Variants in SDCCAG8 observed in about 807,000 individuals in gnomAD.
SDCCAG8 encodes serologically defined colon cancer antigen 8.
A neutral mutation model predicts 101.8 loss-of-function variants in SDCCAG8; 74 were observed. The observed-to-expected ratio is 0.73, with a 90% confidence interval of 0.60 to 0.88. The LOEUF is 0.88. SDCCAG8 is among the 40% of genes least tolerant of loss of function. SDCCAG8 has a pLI of 0.00. For synonymous variants in SDCCAG8, 281 were observed against 292.9 expected (o/e 0.96, Z 0.41); for missense variants, 787 against 822.6 (o/e 0.96, Z 0.53).
chr1:243,277,836 G>C (rs1049354505), intron 4 of SDCCAG8, among the ~76,000 whole-genome samples: 1 of 152,036 alleles, frequency 6.6e-6, no homozygotes, highest in African/African-American at 2.4e-5. Context: ...CTATTTCTGG[G>C]CTTTCCTGTT....
intron 13 of SDCCAG8, among the ~76,000 whole-genome samples, chr1:243,390,859 A>C (rs2078656486): frequency 6.6e-6 from 1 of 152,252 alleles, no homozygotes; most frequent in African/African-American, 2.4e-5. Flanking sequence ...TCTCTAAAAG[A>C]AAGTTCTGCT....
At chr1:243,454,089 T>C (rs2083560216) in intron 16 of SDCCAG8, among the ~76,000 whole-genome samples, 1 of 152,186 alleles carries the variant, frequency 6.6e-6, no homozygotes, top group South Asian at 2.1e-4. Context: ...TGCCTGATGC[T>C]TTTTTAAATC....
At chr1:243,337,742 A>G (rs1211000741) in intron 10 of SDCCAG8, among the ~76,000 whole-genome samples, 1 of 152,200 alleles carries the variant, frequency 6.6e-6, no homozygotes, top group Admixed American at 6.5e-5. Flanking sequence ...AGAGAAAGAG[A>G]GACGGAGCCT....
intron 12 of SDCCAG8, among the ~76,000 whole-genome samples, chr1:243,344,931 T>C (rs182783871): frequency 6.6e-6 from 1 of 152,318 alleles, no homozygotes; most frequent in Non-Finnish European, 1.5e-5. Context: ...CAATTTTAGT[T>C]GACAACATGG....
chr1:243,367,055 T>G (rs1199034192), intron 12 of SDCCAG8, among the ~76,000 whole-genome samples: 1 of 152,128 alleles, frequency 6.6e-6, no homozygotes, highest in Non-Finnish European at 1.5e-5. Context: ...TTTTTGCTTT[T>G]GGATGATTTT....
At chr1:243,482,569 C>A (rs1317371240) in intron 16 of SDCCAG8, among the ~76,000 whole-genome samples, 1 of 152,226 alleles carries the variant, frequency 6.6e-6, no homozygotes, top group African/African-American at 2.4e-5. Flanking sequence ...TGTTCATCTG[C>A]AGATCCTGAA....
At chr1:243,377,613 T>A (rs866570566) in intron 12 of SDCCAG8, among the ~76,000 whole-genome samples, 1 of 151,956 alleles carries the variant, frequency 6.6e-6, no homozygotes, top group Non-Finnish European at 1.5e-5. Context: ...AAAATGTAAA[T>A]GAATTATTTA....
chr1:243,369,311 C>T (rs1390508683), intron 12 of SDCCAG8, among the ~76,000 whole-genome samples: 2 of 152,072 alleles, frequency 1.3e-5, no homozygotes, highest in East Asian at 3.9e-4. Context: ...GATGAAATTA[C>T]CACATAGTGT....
At chr1:243,478,978 G>A (rs201678547) in intron 16 of SDCCAG8, among the ~76,000 whole-genome samples, 994 of 99,546 alleles carry the variant, frequency 1.0e-2, no homozygotes, top group African/African-American at 0.014. Flanking sequence ...AAAAAAAAAA[G>A]AAAGTGCCTT....
chr1:243,420,281 G>A (rs1306780277), intron 15 of SDCCAG8, among the ~76,000 whole-genome samples: 1 of 152,164 alleles, frequency 6.6e-6, no homozygotes, highest in Non-Finnish European at 1.5e-5. Context: ...GGATTGTTAT[G>A]GGAATTAGAA....
chr1:243,267,063 T>C (rs975450274), intron 1 of SDCCAG8, among the ~76,000 whole-genome samples: 4 of 150,482 alleles, frequency 2.7e-5, no homozygotes, highest in Admixed American at 2.6e-4. Flanking sequence ...GCTAACACGG[T>C]GAAACCCTGT....
intron 16 of SDCCAG8, among the ~76,000 whole-genome samples, chr1:243,466,243 G>T (rs528046962): frequency 1.4e-3 from 215 of 152,298 alleles, no homozygotes; most frequent in African/African-American, 5.1e-3. Flanking sequence ...TGATATATGT[G>T]ATCTTCTAAC....
chr1:243,332,534 C>G (rs1293343844), intron 10 of SDCCAG8, among the ~76,000 whole-genome samples: 3 of 151,750 alleles, frequency 2.0e-5, no homozygotes, highest in Non-Finnish European at 4.4e-5. Flanking sequence ...CAGTCCAGGT[C>G]TGGAGGTGAT....
Position 243,466,748 on chromosome 1 carries a change from G to A in SDCCAG8, c.1986-22266G>A, listed in dbSNP as rs561014756. On this transcript the variant is annotated intron_variant, in intron 16 of 17. Transcript: ENST00000366541. ...GGTGATGTTACACAGGTCCTATCGA[G>A]AGTAGACAAGCTGACTAAGGAAGGT... 3.3e-5 allele frequency among the ~76,000 whole-genome samples: 5 copies of A among 152,370 alleles called. No homozygotes were observed. In the South Asian group the frequency reaches 1.0e-3, roughly 32 times the overall value.
chr1:243,336,104 A>G (rs2074990931), intron 10 of SDCCAG8, among the ~76,000 whole-genome samples: 1 of 152,194 alleles, frequency 6.6e-6, no homozygotes, highest in Admixed American at 6.5e-5. Context: ...TGAACATGTA[A>G]GTACATGTGT....
intron 17 of SDCCAG8, among the ~76,000 whole-genome samples, chr1:243,497,724 C>T (rs1020689159): frequency 2.6e-5 from 4 of 152,280 alleles, no homozygotes; most frequent in East Asian, 1.9e-4. Context: ...ATTGTGTGTA[C>T]GTGGGTGTGT....
intron 16 of SDCCAG8, among the ~76,000 whole-genome samples, chr1:243,439,540 G>A (rs1036771760): frequency 1.3e-5 from 2 of 151,310 alleles, no homozygotes; most frequent in Admixed American, 1.3e-4. Flanking sequence ...CAGGAGAAAC[G>A]CTTGAAGCCA....
intron 9 of SDCCAG8, 67 bp downstream of exon 9, chr1:243,316,960 T>G (rs2073303828): frequency 6.6e-7 from 1 of 1,512,014 alleles, no homozygotes; most frequent in African/African-American, 1.4e-5. Flanking sequence ...TGAGTATTTA[T>G]TTGGTTATTC....
chr1:243,493,535 G>A (rs981102488), intron 17 of SDCCAG8, among the ~76,000 whole-genome samples: 1 of 151,966 alleles, frequency 6.6e-6, no homozygotes, highest in African/African-American at 2.4e-5. Context: ...GGTAGCCGTC[G>A]TATCCTGAGC....
Sources: gnomAD v4.1 joint callset for allele counts (sites outside exome capture counted in the v4.1 genomes callset) on GRCh38, gnomAD v4.1.1 for gene constraint, MANE v1.5 for transcripts, NCBI Gene and HGNC (gene_info 2026-07-23, HGNC 2026-07-21) for gene names.